Variants in MTUS2 observed in about 807,000 individuals in gnomAD.
MTUS2 encodes microtubule-associated tumor suppressor candidate 2.
Under a neutral mutation model 114.1 loss-of-function variants are expected in MTUS2, and 40 were observed. That is an observed-to-expected ratio of 0.35 (90% CI 0.27 to 0.46). The LOEUF (loss-of-function observed/expected upper bound fraction) is 0.46. Ranked by LOEUF, MTUS2 falls within the 20% of genes least tolerant of loss-of-function variation. MTUS2 has a pLI of 1.00. For synonymous variants in MTUS2, 688 were observed against 672.0 expected (o/e 1.02, Z -0.37); for missense variants, 1,679 against 1,705.4 (o/e 0.98, Z 0.27).
intron 6 of MTUS2, among the ~76,000 whole-genome samples, chr13:29,296,565 C>T (rs1190623585): frequency 1.3e-5 from 2 of 152,086 alleles, no homozygotes; most frequent in African/African-American, 4.8e-5. Flanking sequence ...TCCATGCCCA[C>T]CAAGTGTGTA....
intron 2 of MTUS2, among the ~76,000 whole-genome samples, chr13:28,934,860 A>G (rs1364137525): frequency 6.6e-6 from 1 of 152,220 alleles, no homozygotes. Flanking sequence ...TCTTACATGT[A>G]TAACCCAATG....
intron 2 of MTUS2, among the ~76,000 whole-genome samples, chr13:29,004,576 G>A (rs916897913): frequency 6.6e-6 from 1 of 152,202 alleles, no homozygotes; most frequent in Non-Finnish European, 1.5e-5. Flanking sequence ...GTAATGAAAA[G>A]CAACACTTGG....
At chr13:29,259,624 A>G (rs1049206284) in intron 5 of MTUS2, among the ~76,000 whole-genome samples, 1 of 152,220 alleles carries the variant, frequency 6.6e-6, no homozygotes, top group African/African-American at 2.4e-5. Flanking sequence ...TATTTGCTCA[A>G]ATGATTTTAT....
intron 5 of MTUS2, among the ~76,000 whole-genome samples, chr13:29,233,894 C>T (rs1375852202): frequency 6.6e-6 from 1 of 152,196 alleles, no homozygotes; most frequent in East Asian, 1.9e-4. Flanking sequence ...AAATGGAATA[C>T]TGCCACTGCC....
At position 29,505,078 on chromosome 13, in the gene MTUS2, T is replaced by G. The variant is rs1883145415; in HGVS notation, c.*1872T>G. 4.3e-6 allele frequency: 1 copy of G among 232,184 alleles called. No individual in the cohort carries two copies. The allele number at this position is 232,184 out of a possible 1,614,324, so 14.4% of individuals were successfully genotyped here. On this transcript the variant is annotated 3_prime_UTR_variant, in exon 16 of 16. Coordinates refer to ENST00000612955, the MANE Select transcript of MTUS2 (RefSeq NM_001033602.4). ...ATCCACATGGAAACACCACCATTTC[T>G]CTTTGCTTTAGTGGCTCTGCATGAT...
At chr13:29,376,784 G>A (rs1019209060) in intron 8 of MTUS2, among the ~76,000 whole-genome samples, 6 of 152,066 alleles carry the variant, frequency 3.9e-5, no homozygotes, top group Admixed American at 3.3e-4. Context: ...GGTTGCCAAC[G>A]TTATCTAAAC....
intron 1 of MTUS2, among the ~76,000 whole-genome samples, chr13:28,828,044 A>G (rs879546668): frequency 1.3e-5 from 2 of 152,222 alleles, no homozygotes; most frequent in African/African-American, 4.8e-5. Flanking sequence ...TGGGAGCGCT[A>G]CGGGAGACTG....
At chr13:29,387,638 G>A (rs572038300) in intron 8 of MTUS2, among the ~76,000 whole-genome samples, 7 of 152,288 alleles carry the variant, frequency 4.6e-5, no homozygotes, top group South Asian at 2.1e-4. Flanking sequence ...AGATGATGGC[G>A]TCCTGGACAA....
chr13:29,028,478 G>A (rs901001681), intron 3 of MTUS2, among the ~76,000 whole-genome samples: 4 of 152,036 alleles, frequency 2.6e-5, no homozygotes, highest in Admixed American at 1.3e-4. Context: ...CTGGGGGTCC[G>A]TCAGCTACCT....
chr13:29,189,537 TA>T (rs575429956), intron 5 of MTUS2, among the ~76,000 whole-genome samples: 307 of 142,852 alleles, frequency 2.1e-3, no homozygotes, highest in African/African-American at 4.5e-3. Flanking sequence ...AAAGGGACAG[TA>T]AAAAAAAAAA....
chr13:29,457,791 A>T (rs1029216555), intron 9 of MTUS2, among the ~76,000 whole-genome samples: 3 of 152,114 alleles, frequency 2.0e-5, no homozygotes, highest in Non-Finnish European at 4.4e-5. Context: ...GTCCCTCTAC[A>T]TTCTTGCCAA....
intron 5 of MTUS2, among the ~76,000 whole-genome samples, chr13:29,228,946 C>T (rs935466618): frequency 1.3e-5 from 2 of 152,048 alleles, no homozygotes; most frequent in African/African-American, 4.8e-5. Context: ...GAAACGTGGA[C>T]AAGACAATAT....
chr13:29,111,277 C>T (rs901456818), intron 5 of MTUS2, among the ~76,000 whole-genome samples: 2 of 152,132 alleles, frequency 1.3e-5, no homozygotes, highest in African/African-American at 4.8e-5. Context: ...TTTTCTCTGT[C>T]TTAATAAGAT....
At chr13:28,903,698 A>G (rs1879794117) in intron 2 of MTUS2, among the ~76,000 whole-genome samples, 1 of 151,734 alleles carries the variant, frequency 6.6e-6, no homozygotes, top group Admixed American at 6.6e-5. Context: ...AGTCTTTGCT[A>G]TTGTGAATAG....
At chr13:29,347,374 A>G (rs1057252057) in intron 7 of MTUS2, among the ~76,000 whole-genome samples, 1 of 151,782 alleles carries the variant, frequency 6.6e-6, no homozygotes, top group African/African-American at 2.4e-5. Context: ...ATTGAGTTCA[A>G]AATATTTTCA....
At chr13:29,107,142 A>G (rs943703630) in intron 5 of MTUS2, among the ~76,000 whole-genome samples, 5 of 152,082 alleles carry the variant, frequency 3.3e-5, no homozygotes, top group African/African-American at 1.2e-4. Context: ...TTCCTCTAAA[A>G]ATCCCTCAAT....
intron 2 of MTUS2, among the ~76,000 whole-genome samples, chr13:29,015,581 T>C (rs1886031104): frequency 6.6e-6 from 1 of 152,226 alleles, no homozygotes; most frequent in East Asian, 1.9e-4. Flanking sequence ...ACAGGGATTT[T>C]GCCTTTAGGA....
At chr13:29,428,612 C>T (rs1876740703) in intron 8 of MTUS2, 1 of 243,470 alleles carries the variant, frequency 4.1e-6, no homozygotes, top group South Asian at 1.6e-4. Context: ...GCCCGCCCTC[C>T]CTCCCGCAGC....
At position 29,480,323 on chromosome 13, in the gene MTUS2, G is replaced by C. The variant is rs771602979; in HGVS notation, c.3358G>C (p.Gly1120Arg). ...AEMARLQEEHGDQLLSIRCQH... is the reference protein window; with the variant it reads ...AEMARLQEEHRDQLLSIRCQH... ...AATGGCGCGCCTGCAGGAGGAGCAC[G>C]GTGACCAGCTGCTGAGCATCCGGTG... Residue 1120 changes from glycine (G) to arginine (R), a missense_variant, in exon 10 of 16, where the codon GGT becomes CGT. Transcript: ENST00000612955. This position sits in a 1 kb window ranked among gnomAD's most constrained non-coding sequence, Gnocchi z 4.4. 3 of 1,552,410 alleles carry C rather than the reference G, an allele frequency of 1.9e-6. No homozygotes were observed. Among genetic ancestry groups the C allele is most frequent in the Non-Finnish European group, 2.6e-6 (3 of 1,147,776 alleles).
Sources: allele counts gnomAD v4.1 joint callset (sites outside exome capture counted in the v4.1 genomes callset), GRCh38; gene constraint gnomAD v4.1.1; non-coding constraint Gnocchi (gnomAD v3.1); transcripts MANE v1.5; gene names NCBI Gene and HGNC (gene_info 2026-07-23, HGNC 2026-07-21).